KCNH8: variants seen among roughly 807,000 people sequenced by gnomAD.
The protein encoded by KCNH8 is potassium voltage-gated channel subfamily H member 8.
KCNH8 carries 70 observed loss-of-function variants against 103.6 expected under a neutral mutation model. The observed-to-expected ratio is 0.68, with a 90% CI of 0.56 to 0.82. KCNH8 has a LOEUF of 0.82. Ranked by LOEUF, KCNH8 falls within the 40% of genes least tolerant of loss-of-function variation. KCNH8 has a pLI of 0.00. For synonymous variants in KCNH8, 498 were observed against 489.4 expected, an observed-to-expected ratio of 1.02 and a Z score of -0.23; for missense variants, 1,217 against 1,329.9, an observed-to-expected ratio of 0.92 and a Z score of 1.32.
At chr3:19,468,992 C>T (rs2067799837) in intron 11 of KCNH8, among the ~76,000 whole-genome samples, 1 of 152,102 alleles carries the variant, frequency 6.6e-6, no homozygotes, top group African/African-American at 2.4e-5. Context: ...TAAAATTGGG[C>T]TGCTTAGAAG....
At chr3:19,390,191 T>A (rs1010553584) in intron 5 of KCNH8, among the ~76,000 whole-genome samples, 5 of 152,148 alleles carry the variant, frequency 3.3e-5, no homozygotes, top group African/African-American at 4.8e-5. Flanking sequence ...TAGCTTCATG[T>A]CTGGAACATT....
At chr3:19,517,487 T>A (rs1436889898) in intron 14 of KCNH8, among the ~76,000 whole-genome samples, 1 of 151,866 alleles carries the variant, frequency 6.6e-6, no homozygotes. Context: ...GAAGAAGAAC[T>A]AAAAACTGGG....
intron 1 of KCNH8, among the ~76,000 whole-genome samples, chr3:19,233,360 A>C (rs1003729157): frequency 2.0e-5 from 3 of 152,278 alleles, no homozygotes; most frequent in Admixed American, 2.0e-4. Context: ...GTGTTTTTAT[A>C]GGTTATAATG....
chr3:19,449,034 C>T, intron 8 of KCNH8: 1 of 1,131,278 alleles, frequency 8.8e-7, no homozygotes, highest in Non-Finnish European at 1.2e-6. Context: ...TCCTGTCATA[C>T]CTTCTCTGAC....
At chr3:19,328,970 C>G (rs902077236) in intron 3 of KCNH8, among the ~76,000 whole-genome samples, 2 of 152,102 alleles carry the variant, frequency 1.3e-5, no homozygotes, top group Admixed American at 1.3e-4. Flanking sequence ...AAGGATAGTT[C>G]TTACCAATCC....
intron 1 of KCNH8, among the ~76,000 whole-genome samples, chr3:19,212,133 A>G (rs985491030): frequency 2.6e-5 from 4 of 152,206 alleles, no homozygotes; most frequent in Non-Finnish European, 4.4e-5. Flanking sequence ...CCAGATAGTA[A>G]TAGCTGTGGT....
intron 3 of KCNH8, among the ~76,000 whole-genome samples, chr3:19,298,024 T>A (rs1461542378): frequency 5.3e-5 from 8 of 152,216 alleles, no homozygotes. Context: ...ATCACTCTTA[T>A]GCAATTGTAC....
In KCNH8 at chr3:19,472,632, C is replaced by G. The variant is rs560271873; in HGVS notation, c.2040+15650C>G. ...TAAACCTCTTTCTTTTGTAAGTTGCCCAGTCTCAGGTATGTCTTTTTCAGC... is the reference window on the plus strand; with the variant it reads ...TAAACCTCTTTCTTTTGTAAGTTGCGCAGTCTCAGGTATGTCTTTTTCAGC... On this transcript the variant is annotated intron_variant, in intron 11 of 15. Coordinates refer to ENST00000328405, the MANE Select transcript of KCNH8 (RefSeq NM_144633.3). 5.3e-5 allele frequency among the ~76,000 whole-genome samples: 8 copies of G among 152,158 alleles called. No homozygotes were observed. In the South Asian group the frequency reaches 1.7e-3, roughly 32 times the overall value.
chr3:19,249,035 A>AAT lies in KCNH8; in HGVS notation c.77-4609_77-4608dup, dbSNP rs531732350. Among the ~76,000 whole-genome samples the AAT allele has an allele frequency of 3.4e-3, 520 of 152,272 alleles. 3 individuals carry two copies. Among genetic ancestry groups the AAT allele is most frequent in the African/African-American group, 0.011 (466 of 41,554 alleles). On this transcript the variant is annotated intron_variant, in intron 1 of 15. Transcript: ENST00000328405. Reference sequence around the variant, plus strand: ...ACTGTTTACTCTCACTTTCAAACTGAATATATATATAAAAATTACCTAGAA... The same window carrying AAT: ...ACTGTTTACTCTCACTTTCAAACTGAATATATATATATAAAAATTACCTAGAA...
rs148424195 is a variant in KCNH8 at position 19,414,304 on chromosome 3, A to G, written c.1177+18993A>G. ...TGTCAATATTTACTGATAAGTAGGA[A>G]AATATAGTTATAATGGGATTTTGAA... On this transcript the variant is annotated intron_variant, in intron 7 of 15. Coordinates refer to ENST00000328405, the MANE Select transcript of KCNH8 (RefSeq NM_144633.3). Among the ~76,000 whole-genome samples the G allele has an allele frequency of 2.9e-3, 440 of 152,264 alleles. 4 individuals are homozygous for G. The highest frequency in any genetic ancestry group is 0.01 in the African/African-American group (430 of 41,576).
At chr3:19,347,054 T>C (rs553822422) in intron 4 of KCNH8, among the ~76,000 whole-genome samples, 3 of 152,166 alleles carry the variant, frequency 2.0e-5, no homozygotes, top group Non-Finnish European at 1.5e-5. Flanking sequence ...GACTAATAAC[T>C]CTTAAGCAAC....
intron 11 of KCNH8, among the ~76,000 whole-genome samples, chr3:19,481,391 T>C (rs754143881): frequency 6.6e-6 from 1 of 152,140 alleles, no homozygotes; most frequent in Non-Finnish European, 1.5e-5. Context: ...AAAAGTCTAG[T>C]CTTTTTTTTA....
At chr3:19,512,949 T>G in intron 12 of KCNH8, 21 bp from the exon 13 acceptor site, 1 of 1,604,152 alleles carries the variant, frequency 6.2e-7, no homozygotes, top group Non-Finnish European at 8.5e-7. Context: ...CTGTACTAAT[T>G]TATATTATCC....
At chr3:19,181,024 T>A (rs928720297) in intron 1 of KCNH8, among the ~76,000 whole-genome samples, 5 of 152,156 alleles carry the variant, frequency 3.3e-5, no homozygotes, top group Admixed American at 2.0e-4. Context: ...AATATTATCA[T>A]AACAAACATA....
chr3:19,250,736 G>T (rs909355674), intron 1 of KCNH8, among the ~76,000 whole-genome samples: 7 of 152,082 alleles, frequency 4.6e-5, no homozygotes. Flanking sequence ...CCTATTATTT[G>T]TGGACCACTG....
At chr3:19,300,853 T>C (rs2065056143) in intron 3 of KCNH8, among the ~76,000 whole-genome samples, 1 of 151,612 alleles carries the variant, frequency 6.6e-6, no homozygotes, top group African/African-American at 2.4e-5. Context: ...ATTAAATTTT[T>C]AACTCCTTTT....
intron 3 of KCNH8, among the ~76,000 whole-genome samples, chr3:19,292,899 C>G (rs1209599395): frequency 3.3e-5 from 5 of 152,160 alleles, no homozygotes; most frequent in Non-Finnish European, 7.3e-5. Context: ...AGATTTCTGT[C>G]AACATGTCAT....
At chr3:19,464,584 A>C (rs1198323887) in intron 11 of KCNH8, among the ~76,000 whole-genome samples, 1 of 152,200 alleles carries the variant, frequency 6.6e-6, no homozygotes, top group African/African-American at 2.4e-5. Flanking sequence ...ACAGAATAAA[A>C]AGGGAAGCTG....
At chr3:19,218,326 A>C (rs2063837492) in intron 1 of KCNH8, among the ~76,000 whole-genome samples, 1 of 152,202 alleles carries the variant, frequency 6.6e-6, no homozygotes, top group Non-Finnish European at 1.5e-5. Context: ...CTGATCCACC[A>C]GCAGTGGTCT....
Sources: gnomAD v4.1 joint callset for allele counts (sites outside exome capture counted in the v4.1 genomes callset) on GRCh38, gnomAD v4.1.1 for gene constraint, MANE v1.5 for transcripts, NCBI Gene and HGNC (gene_info 2026-07-23, HGNC 2026-07-21) for gene names.